The following CCR3 variants were observed in gnomAD, a reference collection of about 807,000 sequenced individuals.
The protein encoded by CCR3 is C-C chemokine receptor type 3.
For missense variants in CCR3, 419 were observed against 437.5 expected (o/e 0.96, Z 0.38); for synonymous variants, 203 against 179.2 (o/e 1.13, Z -1.06).
At chr3:46,256,131 T>C (rs1319786938) in intron 1 of CCR3, among the ~76,000 whole-genome samples, 1 of 152,198 alleles carries the variant, frequency 6.6e-6, no homozygotes, top group Non-Finnish European at 1.5e-5. Flanking sequence ...ACTTTTTTTG[T>C]GATTTGCTGT....
chr3:46,247,848 T>G (rs1700227374), intron 1 of CCR3, among the ~76,000 whole-genome samples: 1 of 152,012 alleles, frequency 6.6e-6, no homozygotes. Context: ...GCTTGATGTG[T>G]AGGGAAGGGA....
upstream of CCR3, among the ~76,000 whole-genome samples, chr3:46,241,426 A>G (rs1407258098): frequency 1.3e-5 from 2 of 152,212 alleles, no homozygotes; most frequent in African/African-American, 4.8e-5. Context: ...GGGACACATC[A>G]GCACATACAG....
At chr3:46,213,630 T>C (rs1699741319) in intron 2 of CCR3, among the ~76,000 whole-genome samples, 1 of 152,174 alleles carries the variant, frequency 6.6e-6, no homozygotes, top group African/African-American at 2.4e-5. Flanking sequence ...AATGGTCTTG[T>C]CTTCCCCATA....
At chr3:46,246,826 A>G (rs1386755608) in intron 1 of CCR3, among the ~76,000 whole-genome samples, 9 of 152,156 alleles carry the variant, frequency 5.9e-5, no homozygotes, top group African/African-American at 1.4e-4. Flanking sequence ...AGAATGGGCG[A>G]TGTTTCCCAG....
intron 2 of CCR3, among the ~76,000 whole-genome samples, chr3:46,211,144 A>G (rs1699707175): frequency 6.6e-6 from 1 of 151,742 alleles, no homozygotes; most frequent in Admixed American, 6.6e-5. Flanking sequence ...AGATTTCTGG[A>G]CTTATCTCCA....
rs112229758 is a variant in CCR3, at chr3:46,265,410, C to G, written c.252C>G (p.Leu84=). Residue 84 remains leucine, a synonymous_variant, in exon 2 of 2, where the codon CTC becomes CTG. Coordinates refer to ENST00000395940, the MANE Select transcript of CCR3 (RefSeq NM_178329.3). ...TGGCCATTTCGGACCTGCTCTTCCT[C>G]GTCACCCTTCCATTCTGGATCCACT... ...LNLAISDLLF[L]VTLPFWIHYV... The G allele has an allele frequency of 5.0e-6, 8 of 1,614,184 alleles. No homozygotes were observed. The African/African-American group carries it at 6.7e-5, about 13-fold the overall frequency.
chr3:46,262,189 T>C (rs1212224512), intron 1 of CCR3, among the ~76,000 whole-genome samples: 2 of 152,220 alleles, frequency 1.3e-5, no homozygotes, highest in African/African-American at 4.8e-5. Flanking sequence ...CTAAAATCAT[T>C]GTTCAAATGA....
At chr3:46,253,108 C>T (rs943645464) in intron 1 of CCR3, among the ~76,000 whole-genome samples, 2 of 152,018 alleles carry the variant, frequency 1.3e-5, no homozygotes, top group Non-Finnish European at 2.9e-5. Flanking sequence ...CCCAGTGACT[C>T]CCACATGCAG....
intron 1 of CCR3, among the ~76,000 whole-genome samples, chr3:46,242,952 CATATATATGTGTATATAT>C (rs1267373228): frequency 5.2e-5 from 4 of 77,022 alleles, no homozygotes; most frequent in African/African-American, 2.8e-4. Context: ...TATAATTTTA[CATATATATGTGTATATAT>C]ATATATATAC....
At chr3:46,231,937 T>C (rs1445627917) in intron 2 of CCR3, among the ~76,000 whole-genome samples, 3 of 152,192 alleles carry the variant, frequency 2.0e-5, no homozygotes, top group Non-Finnish European at 4.4e-5. Flanking sequence ...TGAGGTACCA[T>C]GGAAATAAGA....
upstream of CCR3, among the ~76,000 whole-genome samples, chr3:46,240,251 C>T (rs1196408782): frequency 6.6e-6 from 1 of 152,158 alleles, no homozygotes; most frequent in Admixed American, 6.5e-5. Flanking sequence ...ATGTGTGTCA[C>T]CCTAACAGAT....
chr3:46,248,219 T>G (rs1700234493), intron 1 of CCR3, among the ~76,000 whole-genome samples: 1 of 152,070 alleles, frequency 6.6e-6, no homozygotes, highest in Admixed American at 6.5e-5. Context: ...TGATGGTAAT[T>G]GTGGGAGACT....
rs750613975 is a variant in CCR3, at chr3:46,265,797, C to T, written c.639C>T (p.Leu213=). 13 of 1,613,824 alleles carry T rather than the reference C, an allele frequency of 8.1e-6. No individual in the cohort carries two copies. The highest frequency in any genetic ancestry group is 1.6e-4 in the Middle Eastern group (1 of 6,082). ...MTIFCLVLPL[L]VMAICYTGII... ...TCTTCTGTCTCGTTCTCCCTCTGCTCGTTATGGCCATCTGCTACACAGGAA... is the reference window on the plus strand; with the variant it reads ...TCTTCTGTCTCGTTCTCCCTCTGCTTGTTATGGCCATCTGCTACACAGGAA... Residue 213 remains leucine, a synonymous_variant, in exon 2 of 2, where the codon CTC becomes CTT. Coordinates refer to ENST00000395940, the MANE Select transcript of CCR3 (RefSeq NM_178329.3).
At chr3:46,224,700 G>A (rs1458017348) in intron 2 of CCR3, among the ~76,000 whole-genome samples, 1 of 135,312 alleles carries the variant, frequency 7.4e-6, no homozygotes, top group Non-Finnish European at 1.5e-5. Flanking sequence ...TCATGCCACT[G>A]CACTCCAGCC....
chr3:46,263,438 G>C (rs113891922), intron 1 of CCR3: 42 of 155,496 alleles, frequency 2.7e-4, no homozygotes, highest in Middle Eastern at 1.8e-3. Context: ...ATGCTGATGG[G>C]AGCACACACA....
chr3:46,240,288 A>T (rs1373110734), upstream of CCR3, among the ~76,000 whole-genome samples: 1 of 152,144 alleles, frequency 6.6e-6, no homozygotes, highest in Admixed American at 6.5e-5. Context: ...ACATTTTAAA[A>T]TGTGTATGTG....
chr3:46,211,723 T>C (rs13070099), intron 2 of CCR3, among the ~76,000 whole-genome samples: 10,452 of 152,186 alleles, frequency 0.069, 590 homozygotes, highest in South Asian at 0.27. Context: ...ACTTTGAACA[T>C]AGAACACACG....
rs41450844 is a variant in CCR3, at chr3:46,230,455, G to A, written c.-67-11947G>A. 3.0e-3 allele frequency among the ~76,000 whole-genome samples: 456 copies of A among 152,200 alleles called. 2 individuals are homozygous for A. Among genetic ancestry groups the A allele is most frequent in the Non-Finnish European group, 4.6e-3 (313 of 67,992 alleles). ...TCATGCCACATCAACGGACCTCCAG[G>A]AAGGCAGCAGGCAGAGTGGTTAGGG... On this transcript the variant is annotated intron_variant, in intron 2 of 3. Coordinates refer to the CCR3 transcript ENST00000357422.
At chr3:46,221,888 G>A (rs1261601644) in intron 2 of CCR3, among the ~76,000 whole-genome samples, 1 of 151,998 alleles carries the variant, frequency 6.6e-6, no homozygotes, top group Non-Finnish European at 1.5e-5. Context: ...CCCCTGACTG[G>A]CCGCCACCCC....
Sources: allele counts gnomAD v4.1 joint callset (sites outside exome capture counted in the v4.1 genomes callset), GRCh38; gene constraint gnomAD v4.1.1; transcripts MANE v1.5; gene names NCBI Gene and HGNC (gene_info 2026-07-23, HGNC 2026-07-21).